Variants in DEPDC5 observed in about 807,000 individuals in gnomAD.
The protein encoded by DEPDC5 is DEP domain containing 5, GATOR1 subcomplex subunit, also known as GATOR1 complex protein DEPDC5.
DEPDC5 carries 73 observed loss-of-function variants against 217.3 expected under a neutral mutation model. The observed-to-expected ratio is 0.34, with a 90% CI of 0.28 to 0.41. The LOEUF (loss-of-function observed/expected upper bound fraction) is 0.41, where lower values mean the gene tolerates loss of function less well. Among genes scored for constraint, DEPDC5 ranks in the 10% least tolerant of loss-of-function variants. DEPDC5 has a pLI of 1.00. For synonymous variants in DEPDC5, 733 were observed against 756.7 expected, an observed-to-expected ratio of 0.97 and a Z score of 0.51; for missense variants, 1,675 against 2,070.1, an observed-to-expected ratio of 0.81 and a Z score of 3.70.
At chr22:31,782,019 A>C (rs2084498675) in intron 8 of DEPDC5, among the ~76,000 whole-genome samples, 1 of 152,186 alleles carries the variant, frequency 6.6e-6, no homozygotes. Context: ...AGACAGAGTG[A>C]GACCTTGTCT....
chr22:31,846,008 T>G (rs2091713049), intron 30 of DEPDC5, among the ~76,000 whole-genome samples: 1 of 151,990 alleles, frequency 6.6e-6, no homozygotes, highest in Non-Finnish European at 1.5e-5. Flanking sequence ...CCAGCTAATT[T>G]TTTGTATTTT....
chr22:31,884,362 G>A (rs1422656807), intron 38 of DEPDC5, among the ~76,000 whole-genome samples: 1 of 152,190 alleles, frequency 6.6e-6, no homozygotes, highest in Non-Finnish European at 1.5e-5. Context: ...CTCTCCTGCT[G>A]GCAAAGCAAA....
intron 2 of DEPDC5, chr22:31,757,604 G>C (rs1164579250): frequency 1.3e-5 from 2 of 152,176 alleles, no homozygotes; most frequent in African/African-American, 2.4e-5. Flanking sequence ...TAATTGTCAT[G>C]ATATTAGCAT....
At chr22:31,814,800 C>T (rs1303824174) in intron 20 of DEPDC5, 192 bp from the exon 21 acceptor site, 5 of 604,752 alleles carry the variant, frequency 8.3e-6, no homozygotes, top group African/African-American at 1.9e-5. Context: ...TCTGTCATTT[C>T]CCCCCTCTCT....
At chr22:31,804,738 C>A in intron 16 of DEPDC5, 104 bp from the exon 17 acceptor site, 2 of 1,161,856 alleles carry the variant, frequency 1.7e-6, no homozygotes, top group Non-Finnish European at 2.5e-6. Context: ...CAGCGCCCAG[C>A]CCTAAAAAAT....
At chr22:31,812,912 G>A (rs548501478) in intron 20 of DEPDC5, among the ~76,000 whole-genome samples, 14 of 151,908 alleles carry the variant, frequency 9.2e-5, no homozygotes, top group Non-Finnish European at 1.5e-4. Context: ...GGCTAATTTT[G>A]TATTTTTAGT....
At chr22:31,761,893 G>A (rs957332726) in intron 4 of DEPDC5, among the ~76,000 whole-genome samples, 1 of 150,916 alleles carries the variant, frequency 6.6e-6, no homozygotes, top group Admixed American at 6.6e-5. Flanking sequence ...ACTTGAACCC[G>A]GGAGGCGGAG....
intron 22 of DEPDC5, among the ~76,000 whole-genome samples, chr22:31,819,794 A>G (rs1211002066): frequency 6.6e-6 from 1 of 152,106 alleles, no homozygotes; most frequent in Non-Finnish European, 1.5e-5. Context: ...GAGAGGAACT[A>G]TGCATTGCCA....
At chr22:31,813,494 G>A (rs2088682368) in intron 20 of DEPDC5, among the ~76,000 whole-genome samples, 1 of 152,080 alleles carries the variant, frequency 6.6e-6, no homozygotes, top group South Asian at 2.1e-4. Flanking sequence ...CTCCGTTTAA[G>A]CTCTTACTAA....
rs28708523 is a variant in DEPDC5, at chr22:31,808,536, G to A, written c.1288-1075G>A. ...TGCAACCTCCATCTCCTGGGTTCAC[G>A]TGATTCTCCTGCCTCAGCCTCCAGA... On this transcript the variant is annotated intron_variant, in intron 18 of 42. Transcript: ENST00000651528. Among the ~76,000 whole-genome samples the A allele has an allele frequency of 6.3e-3, 954 of 152,202 alleles. 5 individuals carry two copies. Among genetic ancestry groups the A allele is most frequent in the Non-Finnish European group, 0.011 (782 of 68,010 alleles).
intron 20 of DEPDC5, 56 bp from the exon 21 acceptor site, chr22:31,814,936 T>C (rs1386801605): frequency 1.3e-6 from 2 of 1,599,866 alleles, no homozygotes; most frequent in African/African-American, 1.3e-5. Context: ...TAGTTTTAAC[T>C]CAAGGTAGGA....
intron 18 of DEPDC5, among the ~76,000 whole-genome samples, chr22:31,808,258 ATTT>A (rs961201691): frequency 3.8e-5 from 5 of 133,108 alleles, no homozygotes; most frequent in Admixed American, 7.5e-5. Context: ...ACCATGCCTA[ATTT>A]TTTTTTTTTT....
chr22:31,781,003 T>G (rs894732066), intron 8 of DEPDC5, among the ~76,000 whole-genome samples: 1 of 152,070 alleles, frequency 6.6e-6, no homozygotes, highest in Non-Finnish European at 1.5e-5. Flanking sequence ...GTTCACCTGA[T>G]GTCGGGAGTT....
chr22:31,870,737 G>A lies in DEPDC5; in HGVS notation c.3478G>A (p.Asp1160Asn). 3 of 1,566,130 alleles carry A rather than the reference G, an allele frequency of 1.9e-6. No individual in the cohort carries two copies. The South Asian group carries it at 3.6e-5, about 19-fold the overall frequency. Residue 1160 changes from aspartate (D) to asparagine (N), a missense_variant, in exon 34 of 43, where the codon GAC becomes AAC. Transcript: ENST00000651528. ...EQGYSSTNSS[D>N]SSSQQLVASS... is the part of the protein sequence containing the mutation. The stretch of plus-strand genomic sequence containing the variant: ...GGGCTACTCCTCCACAAACTCCAGT[G>A]ACAGCAGGTGAGATTCAGAGTGGCC...
At chr22:31,886,574 A>T (rs2093317157) in intron 38 of DEPDC5, among the ~76,000 whole-genome samples, 1 of 151,978 alleles carries the variant, frequency 6.6e-6, no homozygotes, top group Admixed American at 6.6e-5. Context: ...AGCCTGGCCA[A>T]CATGGTGAAA....
intron 8 of DEPDC5, among the ~76,000 whole-genome samples, chr22:31,780,634 A>T (rs942401667): frequency 1.3e-5 from 2 of 152,038 alleles, no homozygotes; most frequent in Non-Finnish European, 1.5e-5. Context: ...CAAGCCACTC[A>T]TCCAGGTCTC....
Position 31,821,641 on chromosome 22 carries a change from A to G in DEPDC5, c.2006+4A>G, listed in dbSNP as rs758150938. 6 of 1,612,716 alleles carry G rather than the reference A, an allele frequency of 3.7e-6. No homozygotes were observed. The Admixed American group carries it at 1.0e-4, about 27-fold the overall frequency. On this transcript the variant is annotated splice_donor_region_variant and intron_variant, in intron 23 of 42. Coordinates refer to ENST00000651528, the MANE Select transcript of DEPDC5 (RefSeq NM_001242896.3). ...CATATCATGAAGCTGCTGGAAGGTG[A>G]GGATGTGCACAGGGCTCTGGAAGGT...
chr22:31,906,203 A>T lies in DEPDC5; in HGVS notation c.4520-2A>T. Reference sequence around the variant, plus strand: ...CACACAGGCGCTCCCCTTTCTCTTCAGGAACAGTGTTTCTGCAGCTGCCCT... The same window carrying T: ...CACACAGGCGCTCCCCTTTCTCTTCTGGAACAGTGTTTCTGCAGCTGCCCT... On this transcript the variant is annotated splice_acceptor_variant, in intron 42 of 42. Transcript: ENST00000651528. LOFTEE classifies it high-confidence loss of function. The surrounding 1 kb of genome is among the most constrained non-coding windows in gnomAD (Gnocchi z 5.1). 1 of 1,613,624 alleles carries T rather than the reference A, an allele frequency of 6.2e-7. No individual in the cohort carries two copies.
intron 38 of DEPDC5, among the ~76,000 whole-genome samples, chr22:31,886,188 G>GT (rs146266140): frequency 7.2e-5 from 11 of 152,030 alleles, no homozygotes; most frequent in Admixed American, 1.3e-4. Flanking sequence ...TGCCCGGCTA[G>GT]TTTTTTTGTT....
Sources: allele counts gnomAD v4.1 joint callset (sites outside exome capture counted in the v4.1 genomes callset), GRCh38; gene constraint gnomAD v4.1.1; non-coding constraint Gnocchi (gnomAD v3.1); transcripts MANE v1.5; gene names NCBI Gene and HGNC (gene_info 2026-07-23, HGNC 2026-07-21).